Variants in IQSEC1 observed in about 807,000 individuals in gnomAD.
The protein encoded by IQSEC1 is IQ motif and Sec7 domain ArfGEF 1.
IQSEC1 carries 31 observed loss-of-function variants against 91.0 expected under a neutral mutation model. The observed-to-expected ratio is 0.34, with a 90% CI of 0.26 to 0.46. The LOEUF is 0.46. Ranked by LOEUF, IQSEC1 falls within the 20% of genes least tolerant of loss-of-function variation. IQSEC1 has a pLI of 1.00. For synonymous variants in IQSEC1, 699 were observed against 662.6 expected (o/e 1.05, Z -0.84); for missense variants, 1,388 against 1,575.6 (o/e 0.88, Z 2.02).
chr3:12,967,897 GGTCAGGGGCGGGGC>G lies in IQSEC1; in HGVS notation c.24-26046_24-26033del, dbSNP rs1303040429. On this transcript the variant is annotated intron_variant, in intron 1 of 13. Transcript: ENST00000613206. The surrounding 1 kb of genome is among the most constrained non-coding windows in gnomAD (Gnocchi z 5.9). ...CGCGGAAGAAGCACAGGGGGCGGGG[GGTCAGGGGCGGGGC>G]GTCAGGGGCGGGGCTACGCGCAGGG... 4.8e-4 allele frequency among the ~76,000 whole-genome samples: 70 copies of G among 145,976 alleles called. No individual in the cohort carries two copies. The highest frequency in any genetic ancestry group is 7.3e-4 in the Admixed American group (11 of 14,978).
intron 1 of IQSEC1, among the ~76,000 whole-genome samples, chr3:13,060,084 G>C (rs555027425): frequency 1.3e-5 from 2 of 152,344 alleles, no homozygotes; most frequent in South Asian, 4.1e-4. Context: ...CTGTGTGCCC[G>C]GTATATGACC....
chr3:13,112,314 C>T (rs1384652977), intron 2 of IQSEC1, among the ~76,000 whole-genome samples: 1 of 152,216 alleles, frequency 6.6e-6, no homozygotes, highest in Non-Finnish European at 1.5e-5. Context: ...ACTAGCCAGC[C>T]CAGCCAAACC....
chr3:12,974,661 G>T (rs1422549356), intron 1 of IQSEC1, among the ~76,000 whole-genome samples: 1 of 152,208 alleles, frequency 6.6e-6, no homozygotes, highest in African/African-American at 2.4e-5. Flanking sequence ...GCCTCTATCG[G>T]TAGAGGACCG....
rs1441590840 is a variant in IQSEC1 at position 12,901,618 on chromosome 3, ACTG to A, written c.2806-99_2806-97del. 1.4e-5 allele frequency: 15 copies of A among 1,051,540 alleles called. No homozygotes were observed. In the Admixed American group the frequency reaches 3.4e-4, roughly 24 times the overall value. 65.1% of individuals were successfully genotyped at this position (1,051,540 alleles called of 1,614,324 possible). A position where few individuals can be genotyped will look rare whatever the true frequency, so the allele number is the denominator to read the frequency against. ...TTCAAATGTAAAAATTCACCCACTG[ACTG>A]CTAAGCTTTAGTTCAACTCACTGGC... On this transcript the variant is annotated intron_variant, in intron 13 of 13. Coordinates refer to ENST00000613206, the MANE Select transcript of IQSEC1 (RefSeq NM_001134382.3).
chr3:13,015,573 C>T, intron 1 of IQSEC1: 2 of 985,386 alleles, frequency 2.0e-6, no homozygotes, highest in Non-Finnish European at 1.2e-6. Context: ...GTGGGTGGTA[C>T]TCACAGTCTC....
At chr3:13,022,046 C>T (rs1703423356) in intron 1 of IQSEC1, 2 of 1,231,892 alleles carry the variant, frequency 1.6e-6, no homozygotes, top group South Asian at 4.1e-5. Context: ...AGTGTCCTCA[C>T]AGAGATGCAG....
chr3:12,972,901 G>A (rs1160924143), intron 1 of IQSEC1, among the ~76,000 whole-genome samples: 3 of 152,184 alleles, frequency 2.0e-5, no homozygotes, highest in Non-Finnish European at 2.9e-5. Context: ...ACAGCTGCAT[G>A]GAACACAGCA....
chr3:13,067,970 C>T (rs906937906), intron 1 of IQSEC1, among the ~76,000 whole-genome samples: 5 of 152,216 alleles, frequency 3.3e-5, no homozygotes, highest in African/African-American at 7.2e-5. Flanking sequence ...ACAAGGATGG[C>T]GTGACACTTG....
In IQSEC1 at chr3:13,214,529, T is replaced by C. The variant is rs1238353714; in HGVS notation, c.273-50396A>G. On this transcript the variant is annotated intron_variant, in intron 1 of 15. Transcript: ENST00000648114. The surrounding 1 kb of genome is among the most constrained non-coding windows in gnomAD (Gnocchi z 4.5). ...GGGAAACTCCCTTTCATGGCCTCCATTGCACGTGGGTGCAGCCTGGGGCCT... is the reference window on the plus strand; with the variant it reads ...GGGAAACTCCCTTTCATGGCCTCCACTGCACGTGGGTGCAGCCTGGGGCCT... 2.0e-5 allele frequency among the ~76,000 whole-genome samples: 3 copies of C among 152,262 alleles called. No homozygotes were observed. Among genetic ancestry groups the C allele is most frequent in the African/African-American group, 4.8e-5 (2 of 41,480 alleles).
chr3:13,132,816 A>G (rs187476018), intron 2 of IQSEC1, among the ~76,000 whole-genome samples: 128 of 152,276 alleles, frequency 8.4e-4, no homozygotes, highest in Admixed American at 4.1e-3. Flanking sequence ...TCACCAGGAA[A>G]CTTTAGGAAA....
chr3:13,211,570 A>C lies in IQSEC1; in HGVS notation c.273-47437T>G, dbSNP rs1694445325. On this transcript the variant is annotated intron_variant, in intron 1 of 15. Coordinates refer to the IQSEC1 transcript ENST00000648114. This position sits in a 1 kb window ranked among gnomAD's most constrained non-coding sequence, Gnocchi z 5.3. ...GACGCCCTTCCCCTAGTAGGAGCCCACAGGGCCAGCAGGAGAGTCACCATC... is the reference window on the plus strand; with the variant it reads ...GACGCCCTTCCCCTAGTAGGAGCCCCCAGGGCCAGCAGGAGAGTCACCATC... 6.6e-6 allele frequency among the ~76,000 whole-genome samples: 1 copy of C among 152,126 alleles called. No individual in the cohort carries two copies.
intron 1 of IQSEC1, among the ~76,000 whole-genome samples, chr3:13,236,222 T>TCAGGTGGGCGTGTGC (rs1191172253): frequency 6.6e-6 from 1 of 151,918 alleles, no homozygotes. Context: ...GAGCCTGCAC[T>TCAGGTGGGCGTGTGC]CAGGTGGGCG....
chr3:13,009,662 T>C (rs1702790603), intron 1 of IQSEC1, among the ~76,000 whole-genome samples: 1 of 116,508 alleles, frequency 8.6e-6, no homozygotes, highest in Admixed American at 1.0e-4. Context: ...TGTTTGTATA[T>C]ATATATGTGT....
chr3:12,991,188 G>T (rs752480722), intron 1 of IQSEC1, among the ~76,000 whole-genome samples: 7 of 152,178 alleles, frequency 4.6e-5, no homozygotes, highest in Non-Finnish European at 7.4e-5. Flanking sequence ...TGGTATCCCC[G>T]CGGGGAAGAT....
intron 1 of IQSEC1, among the ~76,000 whole-genome samples, chr3:13,246,911 G>A (rs1695117802): frequency 6.6e-6 from 1 of 152,196 alleles, no homozygotes; most frequent in Admixed American, 6.5e-5. Flanking sequence ...CGAATGGGGA[G>A]GCTTCTTGCT....
At chr3:13,160,698 C>G (rs1707158671) in intron 2 of IQSEC1, among the ~76,000 whole-genome samples, 1 of 152,174 alleles carries the variant, frequency 6.6e-6, no homozygotes, top group African/African-American at 2.4e-5. Context: ...TTTATGAGTC[C>G]TGAGTCCAAT....
chr3:13,022,855 G>A (rs1400674318), intron 1 of IQSEC1, among the ~76,000 whole-genome samples: 1 of 152,174 alleles, frequency 6.6e-6, no homozygotes, highest in Non-Finnish European at 1.5e-5. Flanking sequence ...TGAGTGAGAC[G>A]GTTTCCAGCT....
chr3:12,966,672 C>A (rs1246722394), intron 1 of IQSEC1, among the ~76,000 whole-genome samples: 1 of 152,170 alleles, frequency 6.6e-6, no homozygotes, highest in Non-Finnish European at 1.5e-5. Context: ...ACCAGGTGCA[C>A]ACGCATCACC....
chr3:12,911,546 C>T (rs763593244), intron 10 of IQSEC1, 83 bp downstream of exon 10: 20 of 1,027,342 alleles, frequency 1.9e-5, no homozygotes, highest in African/African-American at 6.3e-5. Context: ...AAGCCCCCCG[C>T]GGTTCTGTCC....
Sources: gnomAD v4.1 joint callset for allele counts (sites outside exome capture counted in the v4.1 genomes callset) on GRCh38, gnomAD v4.1.1 for gene constraint, Gnocchi (gnomAD v3.1) non-coding constraint, MANE v1.5 for transcripts, NCBI Gene and HGNC (gene_info 2026-07-23, HGNC 2026-07-21) for gene names.